FRAS1: variants seen among roughly 807,000 people sequenced by gnomAD.
FRAS1 encodes the protein Fraser extracellular matrix complex subunit 1.
A neutral mutation model predicts 435.2 loss-of-function variants in FRAS1; 290 were observed. The ratio of observed to expected loss-of-function variants is 0.67; its 90% confidence interval spans 0.61 to 0.73. The LOEUF (loss-of-function observed/expected upper bound fraction) is 0.73. Ranked by LOEUF, FRAS1 falls within the 30% of genes least tolerant of loss-of-function variation. FRAS1 has a pLI of 0.00. For synonymous variants in FRAS1, 1,800 were observed against 1,851.0 expected (o/e 0.97, Z 0.71); for missense variants, 4,860 against 5,001.5 (o/e 0.97, Z 0.85).
chr4:78,244,329 A>G (rs1270548685), intron 3 of FRAS1, among the ~76,000 whole-genome samples: 1 of 152,110 alleles, frequency 6.6e-6, no homozygotes, highest in African/African-American at 2.4e-5. Flanking sequence ...GTAGACTTTT[A>G]TCCTGTGGAT....
Position 78,540,975 on chromosome 4 carries a change from A to G in FRAS1, c.11890A>G (p.Lys3964Glu). 1.9e-6 allele frequency: 3 copies of G among 1,613,542 alleles called. No homozygotes were observed. The highest frequency in any genetic ancestry group is 1.7e-6 in the Non-Finnish European group (2 of 1,179,666). Residue 3964 changes from lysine (K) to glutamate (E), a missense_variant, in exon 74 of 74, where the codon AAG (lysine) becomes GAG (glutamate). Physicochemically the swap from Lys to Glu is moderately conservative, Grantham distance 56. Transcript: ENST00000512123. ...VPKRHPDRVE[K>E]NVNRHYCTVR... ...CAAGAGGCACCCGGACCGGGTGGAG[A>G]AGAACGTGAATAGACACTACTGCAC...
intron 2 of FRAS1, among the ~76,000 whole-genome samples, chr4:78,095,638 A>T (rs535816775): frequency 1.3e-5 from 2 of 152,378 alleles, no homozygotes; most frequent in Non-Finnish European, 2.9e-5. Flanking sequence ...AGGAGGAACA[A>T]GTCACGTCTT....
intron 2 of FRAS1, among the ~76,000 whole-genome samples, chr4:78,103,346 C>A (rs892969065): frequency 2.0e-5 from 3 of 152,160 alleles, no homozygotes; most frequent in African/African-American, 7.2e-5. Context: ...TTTTCTCTTG[C>A]CCTCTGAGAG....
At chr4:78,164,494 T>C (rs1431445771) in intron 2 of FRAS1, among the ~76,000 whole-genome samples, 1 of 152,148 alleles carries the variant, frequency 6.6e-6, no homozygotes, top group Non-Finnish European at 1.5e-5. Context: ...TATAAAATGC[T>C]GATGTAAATT....
chr4:78,441,697 G>A (rs1734666313), intron 41 of FRAS1, among the ~76,000 whole-genome samples: 1 of 152,136 alleles, frequency 6.6e-6, no homozygotes, highest in African/African-American at 2.4e-5. Flanking sequence ...AAGGGCTTGT[G>A]GATTACACTC....
intron 18 of FRAS1, among the ~76,000 whole-genome samples, chr4:78,325,408 A>T (rs1361648541): frequency 6.6e-6 from 1 of 152,260 alleles, no homozygotes; most frequent in African/African-American, 2.4e-5. Flanking sequence ...TAATTAAAAA[A>T]ATACGTGGGC....
chr4:78,404,870 A>C (rs914821518), intron 30 of FRAS1, among the ~76,000 whole-genome samples: 6 of 152,156 alleles, frequency 3.9e-5, no homozygotes, highest in African/African-American at 1.4e-4. Context: ...AGGACCTTCA[A>C]CTCTTACAGG....
At chr4:78,528,226 C>T (rs1300036296) in intron 70 of FRAS1, among the ~76,000 whole-genome samples, 1 of 152,136 alleles carries the variant, frequency 6.6e-6, no homozygotes, top group Non-Finnish European at 1.5e-5. Flanking sequence ...AGCAGCAGAT[C>T]AGGCGGTGTG....
intron 31 of FRAS1, 149 bp downstream of exon 31, chr4:78,407,990 C>CAT: frequency 1.5e-6 from 1 of 686,262 alleles, no homozygotes; most frequent in Non-Finnish European, 2.3e-6. Context: ...CTGATAAAGA[C>CAT]ATACCCGAGA....
At chr4:78,279,722 A>G (rs1727237220) in intron 10 of FRAS1, among the ~76,000 whole-genome samples, 1 of 152,202 alleles carries the variant, frequency 6.6e-6, no homozygotes, top group Non-Finnish European at 1.5e-5. Flanking sequence ...TATGTAGCCC[A>G]TATTTTTCAT....
At chr4:78,305,808 C>A (rs1051141852) in intron 14 of FRAS1, among the ~76,000 whole-genome samples, 1 of 151,710 alleles carries the variant, frequency 6.6e-6, no homozygotes, top group African/African-American at 2.4e-5. Context: ...GGTCCTGACT[C>A]TTTATCCAAT....
chr4:78,221,486 A>G (rs1240967615), intron 2 of FRAS1, among the ~76,000 whole-genome samples: 2 of 152,196 alleles, frequency 1.3e-5, no homozygotes, highest in Admixed American at 1.3e-4. Flanking sequence ...TCTAAGTAAG[A>G]TGCCATTTTC....
intron 2 of FRAS1, among the ~76,000 whole-genome samples, chr4:78,103,370 A>G (rs4583783): frequency 0.28 from 42,572 of 152,028 alleles, 6,309 homozygotes; most frequent in African/African-American, 0.35. Context: ...ACCCTGGACA[A>G]GTGTCTTTCT....
chr4:78,278,755 G>A lies in FRAS1; in HGVS notation c.1071+11G>A, dbSNP rs1160691030. On this transcript the variant is annotated intron_variant, in intron 10 of 73. Coordinates refer to ENST00000512123, the MANE Select transcript of FRAS1 (RefSeq NM_025074.7). ...GAAACTGGAGAATTTGTGAGTATCA[G>A]GCTTATAACCGAAGATGATTTCAAA... 6 of 1,449,034 alleles carry A rather than the reference G, an allele frequency of 4.1e-6. No homozygotes were observed. Among genetic ancestry groups the A allele is most frequent in the Non-Finnish European group, 5.8e-6 (6 of 1,036,236 alleles). The allele number at this position is 1,449,034 out of a possible 1,614,324, so 89.8% of individuals were successfully genotyped here.
At chr4:78,342,896 A>G (rs1160277764) in intron 20 of FRAS1, among the ~76,000 whole-genome samples, 1 of 152,152 alleles carries the variant, frequency 6.6e-6, no homozygotes, top group Non-Finnish European at 1.5e-5. Flanking sequence ...AAAATTTGTT[A>G]TTGTTTATGA....
In FRAS1 at chr4:78,109,397, C is replaced by G. The variant is rs554074373; in HGVS notation, c.108+43381C>G. On this transcript the variant is annotated intron_variant, in intron 2 of 73. Coordinates refer to ENST00000512123, the MANE Select transcript of FRAS1 (RefSeq NM_025074.7). ...CCAGCAGCACATCAAAAAGCTTATC[C>G]ACCATGATCAAGTGGGCTTCATCCC... Among the ~76,000 whole-genome samples the G allele has an allele frequency of 2.7e-5, 4 of 148,980 alleles. No individual in the cohort carries two copies. The Admixed American group carries it at 2.7e-4, about 10-fold the overall frequency.
intron 58 of FRAS1, among the ~76,000 whole-genome samples, chr4:78,485,129 G>A (rs1179752550): frequency 6.6e-6 from 1 of 152,176 alleles, no homozygotes. Flanking sequence ...GAAGCTTAAG[G>A]TTACTAAGCC....
In FRAS1 at chr4:78,489,117, C is replaced by G. The variant is rs370186258; in HGVS notation, c.8958+37C>G. 1.0e-4 allele frequency: 163 copies of G among 1,567,674 alleles called. No individual in the cohort carries two copies. In the African/African-American group the frequency reaches 2.0e-3, roughly 19 times the overall value. Reference sequence around the variant, plus strand: ...GGTGGTGGCTGAAAGATGAGATTCTCTTATTGTCTTTATTTGTCTGTAATG... The same window carrying G: ...GGTGGTGGCTGAAAGATGAGATTCTGTTATTGTCTTTATTTGTCTGTAATG... On this transcript the variant is annotated intron_variant, in intron 59 of 73. Coordinates refer to ENST00000512123, the MANE Select transcript of FRAS1 (RefSeq NM_025074.7).
intron 37 of FRAS1, among the ~76,000 whole-genome samples, chr4:78,431,154 C>T (rs1206614298): frequency 6.6e-6 from 1 of 152,118 alleles, no homozygotes; most frequent in Non-Finnish European, 1.5e-5. Context: ...GTAATCCATC[C>T]TTCTGAATAT....
Sources: allele counts gnomAD v4.1 joint callset (sites outside exome capture counted in the v4.1 genomes callset), GRCh38; gene constraint gnomAD v4.1.1; transcripts MANE v1.5; gene names NCBI Gene and HGNC (gene_info 2026-07-23, HGNC 2026-07-21).